SENP6: variants seen among roughly 807,000 people sequenced by gnomAD.
SENP6 encodes the protein SUMO specific peptidase 6.
A neutral mutation model predicts 134.5 loss-of-function variants in SENP6; 41 were observed. That is an observed-to-expected ratio of 0.30 (90% CI 0.24 to 0.40). The LOEUF is 0.40. Among genes scored for constraint, SENP6 ranks in the 10% least tolerant of loss-of-function variants. The pLI is 1.00. For synonymous variants in SENP6, 395 were observed against 429.8 expected, an observed-to-expected ratio of 0.92 and a Z score of 1.00; for missense variants, 1,248 against 1,312.5, an observed-to-expected ratio of 0.95 and a Z score of 0.76.
intron 1 of SENP6, 134 bp downstream of exon 1, chr6:75,602,710 GGGGA>G: frequency 1.1e-6 from 1 of 928,362 alleles, no homozygotes; most frequent in Non-Finnish European, 1.6e-6. Context: ...GAGCGATGAC[GGGGA>G]GGGAGTGTGC....
intron 1 of SENP6, among the ~76,000 whole-genome samples, chr6:75,620,172 T>G (rs1048052120): frequency 1.3e-5 from 2 of 151,974 alleles, no homozygotes; most frequent in African/African-American, 4.8e-5. Flanking sequence ...CATTTTTTAA[T>G]GGTTAGTGAT....
chr6:75,685,648 C>T (rs76333059), intron 16 of SENP6, among the ~76,000 whole-genome samples: 133 of 152,260 alleles, frequency 8.7e-4, no homozygotes, highest in African/African-American at 3.1e-3. Context: ...GTCTTCATTT[C>T]GTTATTTACC....
chr6:75,707,398 C>G (rs964628426), intron 19 of SENP6, among the ~76,000 whole-genome samples: 6 of 110,894 alleles, frequency 5.4e-5, no homozygotes, highest in African/African-American at 1.7e-4. Context: ...GGGTCTCACT[C>G]TGTTGCCCAG....
At chr6:75,683,180 G>A (rs1396249300) in intron 16 of SENP6, among the ~76,000 whole-genome samples, 1 of 152,010 alleles carries the variant, frequency 6.6e-6, no homozygotes, top group Admixed American at 6.6e-5. Flanking sequence ...ATTTTTTCAT[G>A]TGTCTGTTCG....
chr6:75,648,751 T>G (rs1274933307), intron 7 of SENP6, among the ~76,000 whole-genome samples: 1 of 152,232 alleles, frequency 6.6e-6, no homozygotes, highest in Non-Finnish European at 1.5e-5. Flanking sequence ...TTTATTGAGC[T>G]CTTACTCTGC....
chr6:75,619,065 TACATA>T (rs1768070029), intron 1 of SENP6, among the ~76,000 whole-genome samples: 1 of 151,824 alleles, frequency 6.6e-6, no homozygotes, highest in Non-Finnish European at 1.5e-5. Flanking sequence ...TGGTATAATA[TACATA>T]ACATATAAGT....
At chr6:75,687,573 A>G (rs1562051240) in intron 16 of SENP6, among the ~76,000 whole-genome samples, 1 of 152,104 alleles carries the variant, frequency 6.6e-6, no homozygotes, top group Non-Finnish European at 1.5e-5. Flanking sequence ...TGACCGACAG[A>G]TGGGGTTTTG....
At chr6:75,707,352 CTTCT>C (rs1188104864) in intron 19 of SENP6, among the ~76,000 whole-genome samples, 20 of 114,130 alleles carry the variant, frequency 1.8e-4, no homozygotes, top group Admixed American at 7.5e-4. Context: ...CTTTCTTCTT[CTTCT>C]TTTTTTTTTT....
intron 10 of SENP6, 46 bp from the exon 11 acceptor site, chr6:75,670,507 C>G: frequency 4.2e-6 from 6 of 1,433,414 alleles, no homozygotes; most frequent in Non-Finnish European, 5.8e-6. Context: ...AGCTTGCAGC[C>G]TTATTTTAGT....
intron 7 of SENP6, among the ~76,000 whole-genome samples, chr6:75,655,667 A>G (rs535693403): frequency 6.6e-6 from 1 of 152,374 alleles, no homozygotes; most frequent in East Asian, 1.9e-4. Flanking sequence ...TTGTATGAGT[A>G]TAACAAGTTA....
At chr6:75,636,234 T>A (rs529469612) in intron 5 of SENP6, among the ~76,000 whole-genome samples, 12 of 152,286 alleles carry the variant, frequency 7.9e-5, no homozygotes, top group African/African-American at 2.9e-4. Flanking sequence ...TAATTTGTAT[T>A]TAAGAAATAA....
intron 16 of SENP6, among the ~76,000 whole-genome samples, chr6:75,691,932 C>T (rs1774304366): frequency 6.6e-6 from 1 of 151,942 alleles, no homozygotes; most frequent in Non-Finnish European, 1.5e-5. Flanking sequence ...TCTCGGCTTA[C>T]TGCAACATCC....
chr6:75,628,590 A>T (rs534913399), intron 3 of SENP6, among the ~76,000 whole-genome samples: 1 of 152,218 alleles, frequency 6.6e-6, no homozygotes, highest in Non-Finnish European at 1.5e-5. Context: ...AAAAATTGAC[A>T]CATAACAATT....
At chr6:75,640,826 GT>G in intron 6 of SENP6, 122 bp downstream of exon 6, 1 of 528,068 alleles carries the variant, frequency 1.9e-6, no homozygotes, top group Non-Finnish European at 3.2e-6. Flanking sequence ...TAATTTTAAA[GT>G]TTTAGTTGAC....
intron 16 of SENP6, among the ~76,000 whole-genome samples, chr6:75,690,162 T>G (rs1018121779): frequency 3.9e-5 from 6 of 152,178 alleles, no homozygotes; most frequent in African/African-American, 1.4e-4. Flanking sequence ...CCTCCTACCT[T>G]GGCTTCCCAA....
At chr6:75,659,685 A>G (rs578032117) in intron 8 of SENP6, among the ~76,000 whole-genome samples, 1 of 152,316 alleles carries the variant, frequency 6.6e-6, no homozygotes, top group East Asian at 1.9e-4. Flanking sequence ...AAGAAGCCAA[A>G]AAGTTACAAA....
intron 1 of SENP6, among the ~76,000 whole-genome samples, chr6:75,620,145 A>G (rs1468916402): frequency 6.6e-6 from 1 of 151,250 alleles, no homozygotes; most frequent in African/African-American, 2.4e-5. Context: ...GTAGTATCTC[A>G]TTATGGTTTT....
chr6:75,701,866 C>T (rs1480017389), intron 18 of SENP6, among the ~76,000 whole-genome samples: 1 of 151,964 alleles, frequency 6.6e-6, no homozygotes, highest in Non-Finnish European at 1.5e-5. Flanking sequence ...TCTCGAACTC[C>T]TGAACTCAGG....
chr6:75,698,581 A>C (rs9360935), intron 18 of SENP6, among the ~76,000 whole-genome samples: 49,111 of 151,882 alleles, frequency 0.32, 8,529 homozygotes, highest in African/African-American at 0.45. Flanking sequence ...GCCATCCCCC[A>C]ACCTCAGCCT....
Sources: allele counts gnomAD v4.1 joint callset (sites outside exome capture counted in the v4.1 genomes callset), GRCh38; gene constraint gnomAD v4.1.1; transcripts MANE v1.5; gene names NCBI Gene and HGNC (gene_info 2026-07-23, HGNC 2026-07-21).